CSMD2: variants seen among roughly 807,000 people sequenced by gnomAD.
CSMD2 encodes the protein CUB and Sushi multiple domains 2, also known as CUB and sushi domain-containing protein 2.
A neutral mutation model predicts 398.5 loss-of-function variants in CSMD2; 130 were observed. That is an observed-to-expected ratio of 0.33 (90% CI 0.28 to 0.38). The LOEUF is 0.38. CSMD2 is among the 10% of genes least tolerant of loss of function. The pLI is 1.00. For synonymous variants in CSMD2, 1,828 were observed against 1,908.5 expected, an observed-to-expected ratio of 0.96 and a Z score of 1.10; for missense variants, 3,829 against 4,764.9, an observed-to-expected ratio of 0.80 and a Z score of 5.78.
At chr1:33,759,324 C>CTTTTTTTTTTTTTT (rs756784492) in intron 13 of CSMD2, among the ~76,000 whole-genome samples, 18 of 124,744 alleles carry the variant, frequency 1.4e-4, no homozygotes, top group Non-Finnish European at 2.4e-4. Flanking sequence ...CTTTTTTTTT[C>CTTTTTTTTTTTTTT]TTTTTTTTTT....
At chr1:33,886,854 C>T (rs1641629172) in intron 5 of CSMD2, among the ~76,000 whole-genome samples, 1 of 152,158 alleles carries the variant, frequency 6.6e-6, no homozygotes, top group Admixed American at 6.5e-5. Flanking sequence ...GAAAGTGACT[C>T]CCATTTGTTT....
chr1:33,537,312 A>G lies in CSMD2; in HGVS notation c.9805+124T>C. On this transcript the variant is annotated intron_variant, in intron 61 of 70. Coordinates refer to ENST00000373381, the MANE Select transcript of CSMD2 (RefSeq NM_001281956.2). This position sits in a 1 kb window ranked among gnomAD's most constrained non-coding sequence, Gnocchi z 4.6. ...ACATCCTGCTGCAGAAGCTCAGAGG[A>G]TGAGATGTTCCCTTTTGCAGATGAG... 1 of 1,191,542 alleles carries G rather than the reference A, an allele frequency of 8.4e-7. No individual in the cohort carries two copies. 73.8% of individuals were successfully genotyped at this position (1,191,542 alleles called of 1,614,324 possible). A position where few individuals can be genotyped will look rare whatever the true frequency, so the allele number is the denominator to read the frequency against.
intron 14 of CSMD2, 24 bp from the exon 15 acceptor site, chr1:33,739,358 A>C (rs772881344): frequency 4.4e-6 from 7 of 1,588,348 alleles, no homozygotes; most frequent in Non-Finnish European, 6.0e-6. Context: ...GTTCAAGGAC[A>C]TGATCAGACA....
intron 1 of CSMD2, among the ~76,000 whole-genome samples, chr1:34,156,533 C>G (rs4652991): frequency 0.08 from 12,212 of 152,200 alleles, 605 homozygotes; most frequent in East Asian, 0.27. Context: ...ATAGATGTAC[C>G]TACTTAATAA....
chr1:33,776,816 G>C (rs1185243452), intron 12 of CSMD2, among the ~76,000 whole-genome samples: 1 of 152,088 alleles, frequency 6.6e-6, no homozygotes, highest in East Asian at 1.9e-4. Context: ...GGAGCAGGGG[G>C]CGATGGGGGA....
chr1:33,727,692 G>A (rs902213730), intron 15 of CSMD2, among the ~76,000 whole-genome samples: 2 of 152,128 alleles, frequency 1.3e-5, no homozygotes, highest in Admixed American at 1.3e-4. Flanking sequence ...ATCAATCTGG[G>A]CCCCTAAGTG....
chr1:33,840,446 A>T (rs1660737770), intron 6 of CSMD2, among the ~76,000 whole-genome samples: 1 of 151,932 alleles, frequency 6.6e-6, no homozygotes, highest in East Asian at 1.9e-4. Context: ...CCTCCTCAAG[A>T]CTTCCTTCAG....
At chr1:33,551,609 G>A in intron 55 of CSMD2, among the ~76,000 whole-genome samples, 1 of 152,156 alleles carries the variant, frequency 6.6e-6, no homozygotes, top group East Asian at 1.9e-4. Flanking sequence ...GGTAAGAATG[G>A]GTCTTAGGTA....
rs1307398892 is a variant in CSMD2 at position 34,028,966 on chromosome 1, G to T, written c.517+3628C>A. Among the ~76,000 whole-genome samples the T allele has an allele frequency of 2.0e-5, 3 of 152,188 alleles. No homozygotes were observed. The East Asian group carries it at 5.8e-4, about 29-fold the overall frequency. On this transcript the variant is annotated intron_variant, in intron 3 of 70. Transcript: ENST00000373381. ...CCTTTCTCCAAAATCCCTAGCAGCA[G>T]TTCAGTTCCTTATCTATACTTTTCA...
In CSMD2 at chr1:33,520,628, G is replaced by T. The variant is rs113662674; in HGVS notation, c.10598-678C>A. On this transcript the variant is annotated intron_variant, in intron 68 of 70. Coordinates refer to ENST00000373381, the MANE Select transcript of CSMD2 (RefSeq NM_001281956.2). ...AGTGGTCTCAGTCCATGCAGCTCAT[G>T]AGGGCAGAGCTGGGACAACTCCGGG... Among the ~76,000 whole-genome samples, 287 of 152,356 alleles carry T rather than the reference G, an allele frequency of 1.9e-3. 1 individual carries two copies. The highest frequency in any genetic ancestry group is 6.4e-3 in the African/African-American group (268 of 41,582).
At chr1:33,802,808 TCTC>T (rs1302891263) in intron 10 of CSMD2, among the ~76,000 whole-genome samples, 4 of 151,986 alleles carry the variant, frequency 2.6e-5, no homozygotes, top group Non-Finnish European at 5.9e-5. Context: ...CCATCCCTCT[TCTC>T]CTGTACCTTC....
intron 25 of CSMD2, among the ~76,000 whole-genome samples, chr1:33,681,964 T>TCAAA (rs757644489): frequency 8.7e-4 from 132 of 152,240 alleles, no homozygotes; most frequent in East Asian, 4.4e-3. Flanking sequence ...AGACTCCAAA[T>TCAAA]CAAACAAACA....
chr1:33,799,904 C>T (rs757852760), intron 10 of CSMD2, among the ~76,000 whole-genome samples: 3 of 152,210 alleles, frequency 2.0e-5, no homozygotes, highest in South Asian at 2.1e-4. Context: ...CAGTCAATTA[C>T]GACCTAATGG....
intron 2 of CSMD2, among the ~76,000 whole-genome samples, chr1:34,058,167 T>A (rs1413024412): frequency 6.6e-6 from 1 of 152,042 alleles, no homozygotes; most frequent in East Asian, 1.9e-4. Context: ...CTGCATCACA[T>A]AGGAGCTGGG....
At chr1:33,616,876 G>C (rs1421207080) in intron 39 of CSMD2, 30 bp downstream of exon 39, 1 of 1,583,572 alleles carries the variant, frequency 6.3e-7, no homozygotes, top group Non-Finnish European at 8.7e-7. Flanking sequence ...AAATTGGTTG[G>C]AATGAATTGT....
At chr1:33,791,297 T>C (rs998498671) in intron 11 of CSMD2, among the ~76,000 whole-genome samples, 28 of 152,156 alleles carry the variant, frequency 1.8e-4, no homozygotes, top group South Asian at 1.5e-3. Flanking sequence ...TCCCCATCTG[T>C]TAAAAGAGAA....
Position 33,519,790 on chromosome 1 carries a change from C to T in CSMD2, c.10736+22G>A. On this transcript the variant is annotated intron_variant, in intron 69 of 70. Transcript: ENST00000373381. This position sits in a 1 kb window ranked among gnomAD's most constrained non-coding sequence, Gnocchi z 5.6. ...GAGGGAGGCCTGCCTGATGCCCGCC[C>T]TGCCTCCTTCCTGCACGGTACCTGT... is the stretch of plus-strand genomic sequence containing the variant. 6.2e-7 allele frequency: 1 copy of T among 1,613,368 alleles called. No homozygotes were observed. The highest frequency in any genetic ancestry group is 1.1e-5 in the South Asian group (1 of 91,018).
In CSMD2 at chr1:33,605,388, T is replaced by G; in HGVS notation, c.6426A>C (p.Ser2142=). 6.2e-7 allele frequency: 1 copy of G among 1,614,202 alleles called. No homozygotes were observed. The highest frequency in any genetic ancestry group is 8.5e-7 in the Non-Finnish European group (1 of 1,180,026). ...VRGAGYNVGQ[S]VTFECLPGYQ... Reference sequence around the variant, plus strand: ...ACCCCGGGAGGCACTCGAAGGTCACTGATTGTCCCACGTTGTAGCCAGCTC... The same window carrying G: ...ACCCCGGGAGGCACTCGAAGGTCACGGATTGTCCCACGTTGTAGCCAGCTC... The change falls in exon 42 of 71, where the codon TCA becomes TCC. Residue 2142 remains serine, a synonymous_variant. Coordinates refer to ENST00000373381, the MANE Select transcript of CSMD2 (RefSeq NM_001281956.2).
chr1:34,090,175 G>C (rs995260892), intron 1 of CSMD2, among the ~76,000 whole-genome samples: 2 of 152,144 alleles, frequency 1.3e-5, no homozygotes, highest in Non-Finnish European at 2.9e-5. Flanking sequence ...CTGTGCACAC[G>C]CATCACCTGG....
Sources: allele counts gnomAD v4.1 joint callset (sites outside exome capture counted in the v4.1 genomes callset), GRCh38; gene constraint gnomAD v4.1.1; non-coding constraint Gnocchi (gnomAD v3.1); transcripts MANE v1.5; gene names NCBI Gene and HGNC (gene_info 2026-07-23, HGNC 2026-07-21).